DPH3: variants seen among roughly 807,000 people sequenced by gnomAD.
The protein encoded by DPH3 is diphthamide biosynthesis protein 3.
In DPH3, 8 loss-of-function variants were observed where a neutral mutation model predicts 10.2. The observed-to-expected ratio is 0.79, with a 90% CI of 0.46 to 1.42. DPH3 has a LOEUF of 1.42. Among genes scored for constraint, DPH3 ranks in the 40% most tolerant of loss-of-function variants. DPH3 has a pLI of 0.00. For missense variants in DPH3, 96 were observed against 98.9 expected, an observed-to-expected ratio of 0.97 and a Z score of 0.12; for synonymous variants, 35 against 35.6, an observed-to-expected ratio of 0.98 and a Z score of 0.06.
intron 1 of DPH3, 111 bp from the exon 2 acceptor site, chr3:16,264,340 A>C: frequency 1.3e-6 from 1 of 772,766 alleles, no homozygotes; most frequent in Non-Finnish European, 2.0e-6. Context: ...CCTTCCCCCC[A>C]AGGTGGGTGA....
In DPH3 at chr3:16,264,889, T is replaced by C; in HGVS notation, c.-13A>G. ...GAAACACTGCCATGGTCAGCGGGGG[T>C]GGCCGAAGGGGTAACGCCCCAGCAG... On this transcript the variant is annotated 5_prime_UTR_variant, in exon 1 of 3. Coordinates refer to ENST00000488423, the MANE Select transcript of DPH3 (RefSeq NM_206831.3). 1 of 1,613,808 alleles carries C rather than the reference T, an allele frequency of 6.2e-7. No individual in the cohort carries two copies. Among genetic ancestry groups the C allele is most frequent in the Non-Finnish European group, 8.5e-7 (1 of 1,179,846 alleles).
At position 16,262,604 on chromosome 3, in the gene DPH3, T is replaced by C. The variant is rs963443593; in HGVS notation, c.183+1551A>G. Among the ~76,000 whole-genome samples the C allele has an allele frequency of 1.1e-4, 17 of 152,202 alleles. No individual in the cohort carries two copies. The highest frequency in any genetic ancestry group is 4.1e-4 in the African/African-American group (17 of 41,450). ...TACATTCACAGACCTGGTGGTCTCA[T>C]CCAATCTCATGGCTCTAAATGCTAT... On this transcript the variant is annotated intron_variant, in intron 2 of 2. Coordinates refer to ENST00000488423, the MANE Select transcript of DPH3 (RefSeq NM_206831.3). The surrounding 1 kb of genome is among the most constrained non-coding windows in gnomAD (Gnocchi z 4.7).
rs561463979 is a variant in DPH3, at chr3:16,263,368, T to C, written c.183+787A>G. ...AGGCCTTTCTCAGTAAGGCCTGCCATGATCACCCTATGGAAAACTGCAACT... is the reference window on the plus strand; with the variant it reads ...AGGCCTTTCTCAGTAAGGCCTGCCACGATCACCCTATGGAAAACTGCAACT... On this transcript the variant is annotated intron_variant, in intron 2 of 2. Transcript: ENST00000488423. The surrounding 1 kb of genome is among the most constrained non-coding windows in gnomAD (Gnocchi z 4.0). Among the ~76,000 whole-genome samples, 105 of 152,344 alleles carry C rather than the reference T, an allele frequency of 6.9e-4. 1 individual carries two copies. Among genetic ancestry groups the C allele is most frequent in the African/African-American group, 2.5e-3 (102 of 41,582 alleles).
At position 16,262,354 on chromosome 3, in the gene DPH3, C is replaced by T. The variant is rs1452897881; in HGVS notation, c.184-1525G>A. Among the ~76,000 whole-genome samples the T allele has an allele frequency of 1.3e-5, 2 of 152,200 alleles. No homozygotes were observed. The highest frequency in any genetic ancestry group is 4.8e-5 in the African/African-American group (2 of 41,438). On this transcript the variant is annotated intron_variant, in intron 2 of 2. Transcript: ENST00000488423. The surrounding 1 kb of genome is among the most constrained non-coding windows in gnomAD (Gnocchi z 4.7). ...TCCGTCACAGATGAACTCAGTGTTG[C>T]TAAAGCTAATGGTTAATTCTTGATT...
In DPH3 at chr3:16,262,239, C is replaced by T. The variant is rs1034885904; in HGVS notation, c.184-1410G>A. Among the ~76,000 whole-genome samples, 1 of 152,222 alleles carries T rather than the reference C, an allele frequency of 6.6e-6. No individual in the cohort carries two copies. The highest frequency in any genetic ancestry group is 2.4e-5 in the African/African-American group (1 of 41,452). ...AAGAAATGCCTATACTCACTGCCTT[C>T]TGTTCTCTCATTCTCTCCAACCAGT... is the stretch of plus-strand genomic sequence containing the variant. On this transcript the variant is annotated intron_variant, in intron 2 of 2. Coordinates refer to ENST00000488423, the MANE Select transcript of DPH3 (RefSeq NM_206831.3). The surrounding 1 kb of genome is among the most constrained non-coding windows in gnomAD (Gnocchi z 4.7).
In DPH3 at chr3:16,257,474, G is replaced by A. The variant is rs905549057; in HGVS notation, c.*3290C>T. Among the ~76,000 whole-genome samples the A allele has an allele frequency of 2.6e-5, 4 of 152,198 alleles. No individual in the cohort carries two copies. The highest frequency in any genetic ancestry group is 5.9e-5 in the Non-Finnish European group (4 of 68,040). On this transcript the variant is annotated 3_prime_UTR_variant, in exon 3 of 3. Coordinates refer to ENST00000488423, the MANE Select transcript of DPH3 (RefSeq NM_206831.3). ...TCCCCTAGTGCCTAGCATGTGACAGGTACTTCTTTGCCTAGTGCATAGCAC... is the reference window on the plus strand; with the variant it reads ...TCCCCTAGTGCCTAGCATGTGACAGATACTTCTTTGCCTAGTGCATAGCAC...
In DPH3 at chr3:16,260,631, G is replaced by C. The variant is rs1054454804; in HGVS notation, c.*133C>G. 4.3e-6 allele frequency: 3 copies of C among 700,252 alleles called. No homozygotes were observed. Among genetic ancestry groups the C allele is most frequent in the Middle Eastern group, 2.8e-4 (1 of 3,584 alleles). 43.4% of individuals were successfully genotyped at this position (700,252 alleles called of 1,614,324 possible). ...CTTCCTGAAGATGATATCAGCAGTT[G>C]ATAGAAAGAATCCACACTCTTACAG... On this transcript the variant is annotated 3_prime_UTR_variant, in exon 3 of 3. Coordinates refer to ENST00000488423, the MANE Select transcript of DPH3 (RefSeq NM_206831.3).
At chr3:16,260,977 A>G (rs1030433072) in intron 2 of DPH3, 148 bp from the exon 3 acceptor site, 3 of 660,746 alleles carry the variant, frequency 4.5e-6, no homozygotes, top group African/African-American at 1.8e-5. Context: ...CAAAGAGCCA[A>G]TGACAGCACC....
intron 1 of DPH3, 109 bp from the exon 2 acceptor site, chr3:16,264,338 C>T (rs111554149): frequency 7.3e-6 from 6 of 820,610 alleles, no homozygotes; most frequent in African/African-American, 5.2e-5. Flanking sequence ...TGCCTTCCCC[C>T]CAAGGTGGGT....
At position 16,261,008 on chromosome 3, in the gene DPH3, G is replaced by A. The variant is rs1173999136; in HGVS notation, c.184-179C>T. Among the ~76,000 whole-genome samples, 2 of 152,168 alleles carry A rather than the reference G, an allele frequency of 1.3e-5. No individual in the cohort carries two copies. Among genetic ancestry groups the A allele is most frequent in the Non-Finnish European group, 2.9e-5 (2 of 68,036 alleles). On this transcript the variant is annotated intron_variant, in intron 2 of 2. Coordinates refer to ENST00000488423, the MANE Select transcript of DPH3 (RefSeq NM_206831.3). This position sits in a 1 kb window ranked among gnomAD's most constrained non-coding sequence, Gnocchi z 7.1. ...GCACCAGAAGTAGAATCTTAAACAT[G>A]TATCAGTTTTTTGATCTGAATTCAT...
intron 1 of DPH3, 182 bp downstream of exon 1, chr3:16,264,587 G>T: frequency 3.1e-6 from 2 of 640,780 alleles, no homozygotes; most frequent in Non-Finnish European, 5.4e-6. Context: ...CCAGAACTGC[G>T]TGCCTACCGA....
rs2064283480 is a variant in DPH3, at chr3:16,260,177, C to G, written c.*587G>C. On this transcript the variant is annotated 3_prime_UTR_variant, in exon 3 of 3. Coordinates refer to ENST00000488423, the MANE Select transcript of DPH3 (RefSeq NM_206831.3). ...ACCTCACTGTATTTTCTCTTTAATA[C>G]TATGACCAAACTCTCTGCATGAAGC... The G allele has an allele frequency of 6.6e-6, 1 of 152,304 alleles. No individual in the cohort carries two copies. The highest frequency in any genetic ancestry group is 1.9e-4 in the East Asian group (1 of 5,204). The allele number at this position is 152,304 out of a possible 1,614,324, so 9.4% of individuals were successfully genotyped here. A position where few individuals can be genotyped will look rare whatever the true frequency, so the allele number is the denominator to read the frequency against.
Position 16,258,884 on chromosome 3 carries a change from C to T in DPH3, c.*1880G>A, listed in dbSNP as rs1408102254. ...ATTTAGAAATAATTTGGTTTAGAAA[C>T]AAAACCATTCCCATTATTGCAGCAT... On this transcript the variant is annotated 3_prime_UTR_variant, in exon 3 of 3. Transcript: ENST00000488423. 6.6e-6 allele frequency: 1 copy of T among 152,204 alleles called. No homozygotes were observed. Among genetic ancestry groups the T allele is most frequent in the Admixed American group, 6.5e-5 (1 of 15,278 alleles). The allele number at this position is 152,204 out of a possible 1,614,324, so 9.4% of individuals were successfully genotyped here.
Position 16,264,905 on chromosome 3 carries a change from G to A in DPH3, c.-29C>T. On this transcript the variant is annotated 5_prime_UTR_variant, in exon 1 of 3. Transcript: ENST00000488423. ...CAGCGGGGGTGGCCGAAGGGGTAACGCCCCAGCAGTCCGAGGCCAGCTCCG... is the reference window on the plus strand; with the variant it reads ...CAGCGGGGGTGGCCGAAGGGGTAACACCCCAGCAGTCCGAGGCCAGCTCCG... The A allele has an allele frequency of 6.2e-7, 1 of 1,611,618 alleles. No homozygotes were observed. Among genetic ancestry groups the A allele is most frequent in the Non-Finnish European group, 8.5e-7 (1 of 1,177,982 alleles).
In DPH3 at chr3:16,264,904, C is replaced by T; in HGVS notation, c.-28G>A. 3 of 1,612,404 alleles carry T rather than the reference C, an allele frequency of 1.9e-6. No homozygotes were observed. The highest frequency in any genetic ancestry group is 2.5e-6 in the Non-Finnish European group (3 of 1,178,634). On this transcript the variant is annotated 5_prime_UTR_variant, in exon 1 of 3. Transcript: ENST00000488423. ...TCAGCGGGGGTGGCCGAAGGGGTAA[C>T]GCCCCAGCAGTCCGAGGCCAGCTCC... is the stretch of plus-strand genomic sequence containing the variant.
chr3:16,264,712 G>T, intron 1 of DPH3, 57 bp downstream of exon 1: 2 of 1,536,726 alleles, frequency 1.3e-6, no homozygotes, highest in South Asian at 1.1e-5. Flanking sequence ...TGGAAGGAAC[G>T]GGCGGAACCA....
chr3:16,264,621 G>A (rs1321715196), intron 1 of DPH3, 148 bp downstream of exon 1: 2 of 765,636 alleles, frequency 2.6e-6, no homozygotes, highest in Non-Finnish European at 4.3e-6. Flanking sequence ...ATTAGTTGGG[G>A]TGGGGGGACG....
Position 16,260,536 on chromosome 3 carries a change from T to A in DPH3, c.*228A>T. 4.4e-6 allele frequency: 2 copies of A among 454,150 alleles called. No individual in the cohort carries two copies. The highest frequency in any genetic ancestry group is 1.3e-4 in the South Asian group (2 of 15,834). The allele number at this position is 454,150 out of a possible 1,614,324, so 28.1% of individuals were successfully genotyped here. ...GAAATTATCTTCTTTTAAATTTAGATGCATAATTAAGAATGCTTCCAATTT... is the reference window on the plus strand; with the variant it reads ...GAAATTATCTTCTTTTAAATTTAGAAGCATAATTAAGAATGCTTCCAATTT... On this transcript the variant is annotated 3_prime_UTR_variant, in exon 3 of 3. Transcript: ENST00000488423.
intron 2 of DPH3, 61 bp downstream of exon 2, chr3:16,264,094 A>G: frequency 8.2e-7 from 1 of 1,225,912 alleles, no homozygotes; most frequent in Non-Finnish European, 1.2e-6. Context: ...TGACAAGCTG[A>G]TCTAAGTCCT....
Sources: gnomAD v4.1 joint callset for allele counts (sites outside exome capture counted in the v4.1 genomes callset) on GRCh38, gnomAD v4.1.1 for gene constraint, Gnocchi (gnomAD v3.1) non-coding constraint, MANE v1.5 for transcripts, NCBI Gene and HGNC (gene_info 2026-07-23, HGNC 2026-07-21) for gene names.